DNAJC16: variants seen among roughly 807,000 people sequenced by gnomAD.
The protein encoded by DNAJC16 is dnaJ homolog subfamily C member 16.
Under a neutral mutation model 92.7 loss-of-function variants are expected in DNAJC16, and 76 were observed. The ratio of observed to expected loss-of-function variants is 0.82; its 90% CI spans 0.68 to 0.99. The LOEUF (loss-of-function observed/expected upper bound fraction) is 0.99, where lower values mean the gene tolerates loss of function less well. DNAJC16 is among the 50% of genes least tolerant of loss of function. The pLI is 0.00. For missense variants in DNAJC16, 869 were observed against 942.4 expected (o/e 0.92, Z 1.02); for synonymous variants, 328 against 358.7 (o/e 0.91, Z 0.97).
At chr1:15,557,060 C>G (rs1280256086) in intron 7 of DNAJC16, among the ~76,000 whole-genome samples, 3 of 152,160 alleles carry the variant, frequency 2.0e-5, no homozygotes, top group Non-Finnish European at 4.4e-5. Context: ...TTCTATTATG[C>G]TTTCAATATA....
Position 15,551,764 on chromosome 1 carries a change from C to T in DNAJC16, c.1023+3336C>T, listed in dbSNP as rs189871104. Among the ~76,000 whole-genome samples, 37 of 152,126 alleles carry T rather than the reference C, an allele frequency of 2.4e-4. No homozygotes were observed. The East Asian group carries it at 6.8e-3, about 28-fold the overall frequency. ...GAGCAGCTGAGACTACAGGCATGCACCACTGGCTAATTTTTTTAAAAAATT... is the reference window on the plus strand; with the variant it reads ...GAGCAGCTGAGACTACAGGCATGCATCACTGGCTAATTTTTTTAAAAAATT... On this transcript the variant is annotated intron_variant, in intron 7 of 14. Transcript: ENST00000375847.
At chr1:15,539,076 A>C (rs996278214) in intron 4 of DNAJC16, among the ~76,000 whole-genome samples, 8 of 152,278 alleles carry the variant, frequency 5.3e-5, no homozygotes, top group African/African-American at 1.9e-4. Flanking sequence ...GCTGTTTGGC[A>C]TCTCAAATTA....
In DNAJC16 at chr1:15,536,535, C is replaced by G. The variant is rs1485728701; in HGVS notation, c.295C>G (p.Gln99Glu). The change falls in exon 4 of 15, where the codon CAG (glutamine) becomes GAG (glutamate). Residue 99 changes from glutamine to glutamate, a missense_variant. By Grantham distance (29) the Gln-to-Glu change is conservative. Coordinates refer to ENST00000375847, the MANE Select transcript of DNAJC16 (RefSeq NM_015291.4). The stretch of plus-strand genomic sequence containing the variant: ...TCAATATGGAGACGCTGGAGAGAAC[C>G]AGGGCTACCAGAAGCAGCAACAGCA... ...YDQYGDAGENQGYQKQQQQRE... is the reference protein window; with the variant it reads ...YDQYGDAGENEGYQKQQQQRE... The G allele has an allele frequency of 6.2e-7, 1 of 1,614,032 alleles. No homozygotes were observed. The highest frequency in any genetic ancestry group is 8.5e-7 in the Non-Finnish European group (1 of 1,179,984).
chr1:15,546,586 A>T (rs1638313960), intron 5 of DNAJC16, among the ~76,000 whole-genome samples, 181 bp from the exon 6 acceptor site: 1 of 152,228 alleles, frequency 6.6e-6, no homozygotes, highest in Non-Finnish European at 1.5e-5. Context: ...TGAAAATATG[A>T]AATCAATATC....
Position 15,568,855 on chromosome 1 carries a change from A to AG in DNAJC16, c.*679dup. On this transcript the variant is annotated 3_prime_UTR_variant, in exon 15 of 15. Coordinates refer to ENST00000375847, the MANE Select transcript of DNAJC16 (RefSeq NM_015291.4). ...GAAAGGGAGGCTGAGCAGTGGCTGAAGCGATGCAGCCTTGAGACACGCTGT... is the reference window on the plus strand; with the variant it reads ...GAAAGGGAGGCTGAGCAGTGGCTGAAGGCGATGCAGCCTTGAGACACGCTGT... 2.5e-6 allele frequency: 1 copy of AG among 397,080 alleles called. No homozygotes were observed. The highest frequency in any genetic ancestry group is 4.4e-6 in the Non-Finnish European group (1 of 225,312). The allele number at this position is 397,080 out of a possible 1,614,324, so 24.6% of individuals were successfully genotyped here. A position where few individuals can be genotyped will look rare whatever the true frequency, so the allele number is the denominator to read the frequency against.
At chr1:15,566,921 T>C (rs1638823656) in intron 13 of DNAJC16, 178 bp from the exon 14 acceptor site, 1 of 523,464 alleles carries the variant, frequency 1.9e-6, no homozygotes. Flanking sequence ...AGGCTGTTTG[T>C]AGGTCAGGGA....
chr1:15,543,143 C>T (rs1257520206), intron 4 of DNAJC16, among the ~76,000 whole-genome samples: 4 of 152,144 alleles, frequency 2.6e-5, no homozygotes, highest in African/African-American at 9.7e-5. Context: ...ATGAGGCTTA[C>T]ATTCTAGAAG....
chr1:15,558,132 A>G (rs1160931966), intron 7 of DNAJC16, among the ~76,000 whole-genome samples: 1 of 150,516 alleles, frequency 6.6e-6, no homozygotes, highest in Non-Finnish European at 1.5e-5. Context: ...TGACTTCCCA[A>G]AGTGCTGGGA....
At chr1:15,536,844 TTATA>T in intron 4 of DNAJC16, 30 bp downstream of exon 4, 1 of 1,560,922 alleles carries the variant, frequency 6.4e-7, no homozygotes. Flanking sequence ...TGAAAGATAT[TTATA>T]TAGATGACTT....
rs372231389 is a variant in DNAJC16, at chr1:15,568,350, A to C, written c.*173A>C. 3.9e-4 allele frequency: 226 copies of C among 584,006 alleles called. No individual in the cohort carries two copies. Among genetic ancestry groups the C allele is most frequent in the Non-Finnish European group, 5.5e-4 (189 of 344,186 alleles). The allele number at this position is 584,006 out of a possible 1,614,324, so 36.2% of individuals were successfully genotyped here. Reference sequence around the variant, plus strand: ...TCCTGTTCTAACCTAGGAATGAAAAACACCACCAGTTTGAATCGCCTAGAT... The same window carrying C: ...TCCTGTTCTAACCTAGGAATGAAAACCACCACCAGTTTGAATCGCCTAGAT... On this transcript the variant is annotated 3_prime_UTR_variant, in exon 15 of 15. Coordinates refer to ENST00000375847, the MANE Select transcript of DNAJC16 (RefSeq NM_015291.4).
intron 2 of DNAJC16, among the ~76,000 whole-genome samples, chr1:15,531,341 GT>G (rs1557567865): frequency 6.6e-6 from 1 of 152,186 alleles, no homozygotes; most frequent in African/African-American, 2.4e-5. Flanking sequence ...TAAAATAAAT[GT>G]TTTAGACCAT....
intron 7 of DNAJC16, among the ~76,000 whole-genome samples, chr1:15,549,799 C>T (rs1280699454): frequency 1.7e-5 from 2 of 118,646 alleles, no homozygotes; most frequent in Non-Finnish European, 3.2e-5. Flanking sequence ...GCCTGGGCGA[C>T]AGAGCAAGAC....
chr1:15,548,135 G>T, intron 6 of DNAJC16, 135 bp from the exon 7 acceptor site: 1 of 721,242 alleles, frequency 1.4e-6, no homozygotes, highest in Non-Finnish European at 2.2e-6. Flanking sequence ...AGTATACAAG[G>T]ATACGGAAGA....
rs71572162 is a variant in DNAJC16 at position 15,532,705 on chromosome 1, G to GT, written c.168-1523dup. On this transcript the variant is annotated intron_variant, in intron 2 of 14. Coordinates refer to ENST00000375847, the MANE Select transcript of DNAJC16 (RefSeq NM_015291.4). ...GGGTTGGTTTTGTTGGTATTTTTGT[G>GT]TTTTTTTTTGTCATCCAGAAATGCT... is the stretch of plus-strand genomic sequence containing the variant. Among the ~76,000 whole-genome samples, 209 of 150,590 alleles carry GT rather than the reference G, an allele frequency of 1.4e-3. 4 individuals carry two copies. In the East Asian group the frequency reaches 0.032, roughly 23 times the overall value.
rs112274924 is a variant in DNAJC16 at position 15,540,674 on chromosome 1, C to T, written c.575-3725C>T. 2.6e-3 allele frequency among the ~76,000 whole-genome samples: 390 copies of T among 152,190 alleles called. 4 individuals carry two copies. Among genetic ancestry groups the T allele is most frequent in the African/African-American group, 8.8e-3 (367 of 41,522 alleles). The stretch of plus-strand genomic sequence containing the variant: ...CTGGTCTTAAACTCCTGGTCACAAG[C>T]GATCCTCCCGCCTCAGCCTCCCAAA... On this transcript the variant is annotated intron_variant, in intron 4 of 14. Transcript: ENST00000375847.
In DNAJC16 at chr1:15,548,295, A is replaced by G; in HGVS notation, c.890A>G (p.Tyr297Cys). The G allele has an allele frequency of 6.2e-7, 1 of 1,613,994 alleles. No homozygotes were observed. Among genetic ancestry groups the G allele is most frequent in the Non-Finnish European group, 8.5e-7 (1 of 1,179,948 alleles). The change falls in exon 7 of 15, where the codon TAT becomes TGT. Residue 297 changes from tyrosine to cysteine, a missense_variant. Tyr to Cys is a radical substitution (Grantham distance 194). Coordinates refer to ENST00000375847, the MANE Select transcript of DNAJC16 (RefSeq NM_015291.4). ...YKLTAFAYKD[Y>C]LSFGYVYVGL... is the part of the protein sequence containing the mutation. Reference sequence around the variant, plus strand: ...TTGACTGCCTTTGCATACAAAGATTATTTATCATTTGGATATGTATATGTG... The same window carrying G: ...TTGACTGCCTTTGCATACAAAGATTGTTTATCATTTGGATATGTATATGTG...
intron 7 of DNAJC16, among the ~76,000 whole-genome samples, chr1:15,550,083 A>G (rs10803391): frequency 0.31 from 46,472 of 151,990 alleles, 7,504 homozygotes; most frequent in East Asian, 0.58. Flanking sequence ...ATGTAAAGTA[A>G]GGCCAAGGAG....
At chr1:15,560,699 TA>T (rs1465406450) in intron 8 of DNAJC16, among the ~76,000 whole-genome samples, 2 of 152,056 alleles carry the variant, frequency 1.3e-5, no homozygotes, top group Non-Finnish European at 2.9e-5. Flanking sequence ...GACTTAAATA[TA>T]AAAAAAGAAT....
chr1:15,568,202 C>T lies in DNAJC16; in HGVS notation c.*25C>T, dbSNP rs759079117. ...AGAGGATTTTCCAAAGAGATTTGAACTCTTCAGACTTTTTAACATGCCCCT... is the reference window on the plus strand; with the variant it reads ...AGAGGATTTTCCAAAGAGATTTGAATTCTTCAGACTTTTTAACATGCCCCT... On this transcript the variant is annotated 3_prime_UTR_variant, in exon 15 of 15. Coordinates refer to ENST00000375847, the MANE Select transcript of DNAJC16 (RefSeq NM_015291.4). 6.4e-7 allele frequency: 1 copy of T among 1,570,212 alleles called. No homozygotes were observed. Among genetic ancestry groups the T allele is most frequent in the Non-Finnish European group, 8.6e-7 (1 of 1,157,848 alleles).
Sources: gnomAD v4.1 joint callset for allele counts (sites outside exome capture counted in the v4.1 genomes callset) on GRCh38, gnomAD v4.1.1 for gene constraint, MANE v1.5 for transcripts, NCBI Gene and HGNC (gene_info 2026-07-23, HGNC 2026-07-21) for gene names.